ZNF438: variants seen among roughly 807,000 people sequenced by gnomAD.
The protein encoded by ZNF438 is zinc finger protein 438.
Under a neutral mutation model 38.0 loss-of-function variants are expected in ZNF438, and 25 were observed. The ratio of observed to expected loss-of-function variants is 0.66; its 90% CI spans 0.48 to 0.92. The LOEUF (loss-of-function observed/expected upper bound fraction) is 0.92. Among genes scored for constraint, ZNF438 ranks in the 40% least tolerant of loss-of-function variants. The pLI is 0.00. For synonymous variants in ZNF438, 372 were observed against 364.1 expected (o/e 1.02, Z -0.25); for missense variants, 1,007 against 999.6 (o/e 1.01, Z -0.10).
At chr10:30,971,934 A>G (rs997585829) in intron 1 of ZNF438, among the ~76,000 whole-genome samples, 3 of 151,732 alleles carry the variant, frequency 2.0e-5, no homozygotes, top group Non-Finnish European at 4.4e-5. Context: ...ATGTGTTTAC[A>G]TTTAATAAAC....
At chr10:30,925,060 C>CA (rs1564652670) in intron 2 of ZNF438, among the ~76,000 whole-genome samples, 1 of 152,148 alleles carries the variant, frequency 6.6e-6, no homozygotes. Flanking sequence ...CTTTGCTCAA[C>CA]TCTCTAATTT....
intron 2 of ZNF438, among the ~76,000 whole-genome samples, chr10:30,935,974 A>C (rs555094417): frequency 8.5e-5 from 13 of 152,256 alleles, no homozygotes; most frequent in Non-Finnish European, 5.9e-5. Context: ...ACACAGCCAA[A>C]CCATATCAGA....
At chr10:30,951,640 C>A (rs1481791090) in intron 1 of ZNF438, among the ~76,000 whole-genome samples, 1 of 152,042 alleles carries the variant, frequency 6.6e-6, no homozygotes, top group Admixed American at 6.6e-5. Flanking sequence ...GAGTGAACGC[C>A]CATTCACAAT....
At chr10:30,848,831 TGGTCTCGAA>T in exon 5 of ZNF438, 1 of 1,614,220 alleles carries the variant, frequency 6.2e-7, no homozygotes, top group Non-Finnish European at 8.5e-7. Context: ...TGTATTCATG[TGGTCTCGAA>T]GGTGCTGTTT....
At chr10:30,981,964 T>C (rs1192881148) in intron 1 of ZNF438, among the ~76,000 whole-genome samples, 1 of 152,138 alleles carries the variant, frequency 6.6e-6, no homozygotes, top group Admixed American at 6.5e-5. Context: ...ATGGTAAGCA[T>C]GTCCCTAAAA....
intron 1 of ZNF438, among the ~76,000 whole-genome samples, chr10:31,018,378 C>G (rs1330617586): frequency 6.6e-6 from 1 of 152,198 alleles, no homozygotes; most frequent in African/African-American, 2.4e-5. Context: ...AAGGACGAAT[C>G]AACTCATATT....
At chr10:30,885,907 A>G (rs2039894446) in intron 3 of ZNF438, among the ~76,000 whole-genome samples, 1 of 152,232 alleles carries the variant, frequency 6.6e-6, no homozygotes, top group African/African-American at 2.4e-5. Flanking sequence ...ATCTTCAAAT[A>G]TCTGAAGAAC....
chr10:30,875,827 C>T (rs2038329297), intron 4 of ZNF438, among the ~76,000 whole-genome samples: 1 of 152,226 alleles, frequency 6.6e-6, no homozygotes, highest in Non-Finnish European at 1.5e-5. Flanking sequence ...CATTAGGCAT[C>T]CCAGGCAAGA....
At chr10:30,877,426 C>T (rs900524961) in intron 3 of ZNF438, among the ~76,000 whole-genome samples, 2 of 152,028 alleles carry the variant, frequency 1.3e-5, no homozygotes, top group African/African-American at 4.8e-5. Context: ...ACATGCTTAA[C>T]AGTATAAAGG....
At chr10:30,872,183 A>G (rs924076178) in intron 4 of ZNF438, among the ~76,000 whole-genome samples, 1 of 151,438 alleles carries the variant, frequency 6.6e-6, no homozygotes, top group Non-Finnish European at 1.5e-5. Context: ...ATTACAAGGT[A>G]CAAGTCAAGC....
At chr10:30,988,404 AT>A (rs952349012) in intron 1 of ZNF438, among the ~76,000 whole-genome samples, 5 of 152,014 alleles carry the variant, frequency 3.3e-5, no homozygotes, top group Non-Finnish European at 7.4e-5. Flanking sequence ...TATTTTTAAA[AT>A]TTTTTTTCCA....
chr10:30,981,217 G>T (rs2052092294), intron 1 of ZNF438, among the ~76,000 whole-genome samples: 1 of 152,168 alleles, frequency 6.6e-6, no homozygotes, highest in South Asian at 2.1e-4. Flanking sequence ...CATGTTAGGG[G>T]ACTGCAGAAT....
chr10:30,982,974 C>G (rs888317845), intron 1 of ZNF438, among the ~76,000 whole-genome samples: 4 of 152,098 alleles, frequency 2.6e-5, no homozygotes, highest in Admixed American at 2.0e-4. Flanking sequence ...ACTACTTGAC[C>G]TAGAAGCTCA....
chr10:30,906,935 A>T (rs2042642162), intron 3 of ZNF438, among the ~76,000 whole-genome samples: 1 of 152,072 alleles, frequency 6.6e-6, no homozygotes, highest in African/African-American at 2.4e-5. Flanking sequence ...TATGCTTTTC[A>T]TATGTCACTA....
At chr10:30,938,576 T>C (rs2046496570) in intron 2 of ZNF438, among the ~76,000 whole-genome samples, 3 of 152,092 alleles carry the variant, frequency 2.0e-5, no homozygotes, top group Admixed American at 6.5e-5. Context: ...ATGCCTGGCC[T>C]AGCTCTAGCA....
intron 3 of ZNF438, among the ~76,000 whole-genome samples, chr10:30,902,614 A>G (rs2042143467): frequency 6.6e-6 from 1 of 152,146 alleles, no homozygotes; most frequent in African/African-American, 2.4e-5. Flanking sequence ...CAGATTAGCT[A>G]GACACAGAGC....
At chr10:30,967,924 G>A (rs2050307358) in intron 1 of ZNF438, among the ~76,000 whole-genome samples, 1 of 152,160 alleles carries the variant, frequency 6.6e-6, no homozygotes, top group African/African-American at 2.4e-5. Context: ...CCCTCCCACT[G>A]CCTGTGATAA....
chr10:30,946,059 C>T (rs1251955297), intron 1 of ZNF438, among the ~76,000 whole-genome samples: 1 of 147,200 alleles, frequency 6.8e-6, no homozygotes, highest in African/African-American at 2.5e-5. Flanking sequence ...TCCTCTCCAG[C>T]ACCTGTTGTT....
chr10:30,910,354 G>A lies in ZNF438; in HGVS notation c.-114-1339C>T, dbSNP rs369153449. ...AAAAGAGTACTATGTTTCAGCAAATGCTTACATTCCTATAGTTCTCCAGTC... is the reference window on the plus strand; with the variant it reads ...AAAAGAGTACTATGTTTCAGCAAATACTTACATTCCTATAGTTCTCCAGTC... On this transcript the variant is annotated intron_variant, in intron 2 of 5. Transcript: ENST00000413025. 5 of 152,274 alleles carry A rather than the reference G, an allele frequency of 3.3e-5. No individual in the cohort carries two copies. In the East Asian group the frequency reaches 9.6e-4, roughly 29 times the overall value. The allele number at this position is 152,274 out of a possible 1,614,324, so 9.4% of individuals were successfully genotyped here.
Sources: gnomAD v4.1 joint callset for allele counts (sites outside exome capture counted in the v4.1 genomes callset) on GRCh38, gnomAD v4.1.1 for gene constraint, MANE v1.5 for transcripts, NCBI Gene and HGNC (gene_info 2026-07-23, HGNC 2026-07-21) for gene names.